The following KCNN2 variants were observed in gnomAD, a reference collection of about 807,000 sequenced individuals.
KCNN2 encodes potassium calcium-activated channel subfamily N member 2, also known as small conductance calcium-activated potassium channel protein 2.
KCNN2 carries 24 observed loss-of-function variants against 55.5 expected under a neutral mutation model. The ratio of observed to expected loss-of-function variants is 0.43; its 90% CI spans 0.31 to 0.61. The LOEUF is 0.61. KCNN2 is among the 20% of genes least tolerant of loss of function. KCNN2 has a pLI of 0.08. For missense variants in KCNN2, 754 were observed against 853.6 expected, an observed-to-expected ratio of 0.88 and a Z score of 1.45; for synonymous variants, 431 against 336.1, an observed-to-expected ratio of 1.28 and a Z score of -3.09.
chr5:114,158,644 G>T (rs1752693869), intron 1 of KCNN2, among the ~76,000 whole-genome samples: 1 of 151,682 alleles, frequency 6.6e-6, no homozygotes, highest in South Asian at 2.1e-4. Context: ...AGCATGGAAT[G>T]TTCTTCCATT....
chr5:114,155,027 C>T (rs1387600604), intron 1 of KCNN2, among the ~76,000 whole-genome samples: 1 of 151,984 alleles, frequency 6.6e-6, no homozygotes, highest in Non-Finnish European at 1.5e-5. Flanking sequence ...TCCTGATCTG[C>T]TCCCTCCTCA....
At chr5:114,389,746 G>A (rs1758402853) in intron 2 of KCNN2, among the ~76,000 whole-genome samples, 1 of 152,158 alleles carries the variant, frequency 6.6e-6, no homozygotes, top group African/African-American at 2.4e-5. Context: ...ATGGGGCATT[G>A]AATGTAATGT....
chr5:114,465,243 A>G (rs752887338), intron 4 of KCNN2, among the ~76,000 whole-genome samples: 11 of 152,158 alleles, frequency 7.2e-5, no homozygotes, highest in Non-Finnish European at 1.3e-4. Context: ...GTCTCATCAG[A>G]TAGTACAAAT....
intron 2 of KCNN2, among the ~76,000 whole-genome samples, chr5:114,395,193 T>C (rs949976733): frequency 5.3e-5 from 8 of 152,212 alleles, no homozygotes; most frequent in Non-Finnish European, 1.0e-4. Context: ...GTTACCTCTT[T>C]GTGGGCAGGC....
chr5:114,110,702 G>A (rs563863816), intron 1 of KCNN2, among the ~76,000 whole-genome samples: 3 of 151,954 alleles, frequency 2.0e-5, no homozygotes, highest in Non-Finnish European at 4.4e-5. Flanking sequence ...AAAATGCCTC[G>A]TGCCTTAGTT....
chr5:114,346,292 C>A lies in KCNN2; in HGVS notation c.-184-14653C>A, dbSNP rs563066175. On this transcript the variant is annotated intron_variant, in intron 2 of 10. Transcript: ENST00000512097. ...CATGACGCAAACACCTCCCACCAGG[C>A]CCCACCTCCAACATCTCAGCATAAG... 5.9e-5 allele frequency among the ~76,000 whole-genome samples: 9 copies of A among 152,302 alleles called. No individual in the cohort carries two copies. In the South Asian group the frequency reaches 6.2e-4, roughly 11 times the overall value.
chr5:114,238,861 TGAA>T (rs1372893124), intron 2 of KCNN2, among the ~76,000 whole-genome samples: 2 of 152,238 alleles, frequency 1.3e-5, no homozygotes, highest in Non-Finnish European at 2.9e-5. Flanking sequence ...TGTGCTGAGA[TGAA>T]GGAGAACAGG....
chr5:114,306,732 G>A lies in KCNN2; in HGVS notation c.-184-54213G>A, dbSNP rs560342946. Among the ~76,000 whole-genome samples, 8 of 129,120 alleles carry A rather than the reference G, an allele frequency of 6.2e-5. No homozygotes were observed. In the East Asian group the frequency reaches 6.5e-4, roughly 10 times the overall value. 84.7% of individuals were successfully genotyped at this position (129,120 alleles called of 152,430 possible). The stretch of plus-strand genomic sequence containing the variant: ...TTTTTTTTTTTTGAGACCAAGTCTC[G>A]CTCTGTCACCCAGGCTGGAGTGCAG... On this transcript the variant is annotated intron_variant, in intron 2 of 10. Transcript: ENST00000512097.
At chr5:114,412,601 A>G (rs1759171176) in intron 3 of KCNN2, among the ~76,000 whole-genome samples, 1 of 152,182 alleles carries the variant, frequency 6.6e-6, no homozygotes, top group Admixed American at 6.5e-5. Flanking sequence ...TTTACATAAG[A>G]TGAATGTGAA....
chr5:114,232,925 G>GTTTTTTTTGTTTTTTTTTTTTT (rs554932578), intron 2 of KCNN2, among the ~76,000 whole-genome samples: 2 of 76,282 alleles, frequency 2.6e-5, no homozygotes, highest in African/African-American at 9.1e-5. Flanking sequence ...ATTGTTTCTT[G>GTTTTTTTTGTTTTTTTTTTTTT]TTTTTTTTTT....
intron 1 of KCNN2, among the ~76,000 whole-genome samples, chr5:114,062,140 T>G (rs113509296): frequency 6.6e-6 from 1 of 152,100 alleles, no homozygotes; most frequent in Admixed American, 6.6e-5. Context: ...GAAAGTAAAC[T>G]TCACAGACTT....
intron 2 of KCNN2, among the ~76,000 whole-genome samples, chr5:114,397,715 A>G (rs1235719279): frequency 1.3e-5 from 2 of 152,230 alleles, no homozygotes; most frequent in East Asian, 3.9e-4. Context: ...ACTTTGTAAT[A>G]ATAGCCATTC....
chr5:114,465,519 G>A lies in KCNN2; in HGVS notation c.1779+2329G>A, dbSNP rs181728430. Among the ~76,000 whole-genome samples the A allele has an allele frequency of 6.3e-3, 952 of 152,160 alleles. 10 individuals carry two copies. The highest frequency in any genetic ancestry group is 0.022 in the African/African-American group (918 of 41,500). On this transcript the variant is annotated intron_variant, in intron 4 of 7. Coordinates refer to ENST00000673685, the MANE Select transcript of KCNN2 (RefSeq NM_021614.4). ...CCCAGCTATTCAGGAGGCTGAGGCAGGAGAATCTCTTGAACGTGGGAGGCG... is the reference window on the plus strand; with the variant it reads ...CCCAGCTATTCAGGAGGCTGAGGCAAGAGAATCTCTTGAACGTGGGAGGCG...
At chr5:114,470,807 C>G (rs1363126054) in intron 4 of KCNN2, among the ~76,000 whole-genome samples, 5 of 152,100 alleles carry the variant, frequency 3.3e-5, no homozygotes, top group Admixed American at 2.6e-4. Flanking sequence ...ACTGCATATC[C>G]TCCTTTATCT....
intron 1 of KCNN2, among the ~76,000 whole-genome samples, chr5:114,186,588 G>A (rs1753339456): frequency 6.6e-6 from 1 of 152,180 alleles, no homozygotes; most frequent in Admixed American, 6.5e-5. Context: ...GTGCCTATGT[G>A]CTGAAGTTAG....
chr5:114,203,923 C>T (rs1442476029), intron 1 of KCNN2, among the ~76,000 whole-genome samples: 1 of 152,152 alleles, frequency 6.6e-6, no homozygotes, highest in East Asian at 1.9e-4. Context: ...AAATAGGACA[C>T]ACAGTTACAA....
At chr5:114,144,092 A>T (rs1404423236) in intron 1 of KCNN2, among the ~76,000 whole-genome samples, 1 of 152,176 alleles carries the variant, frequency 6.6e-6, no homozygotes, top group African/African-American at 2.4e-5. Flanking sequence ...AGGCCTCAAA[A>T]ATCTGTTCTT....
At chr5:114,315,447 GTGTGTGTGTGTGTGTGTGTA>G (rs1221410322) in intron 2 of KCNN2, among the ~76,000 whole-genome samples, 10 of 108,704 alleles carry the variant, frequency 9.2e-5, no homozygotes, top group Non-Finnish European at 1.7e-4. Context: ...GTGTGTGTGT[GTGTGTGTGTGTGTGTGTGTA>G]TATATATATA....
intron 1 of KCNN2, among the ~76,000 whole-genome samples, chr5:114,194,612 A>G (rs1274612349): frequency 6.6e-6 from 1 of 152,064 alleles, no homozygotes; most frequent in East Asian, 1.9e-4. Context: ...CTTTAGCACA[A>G]ATATTCTTTG....
Sources: gnomAD v4.1 joint callset for allele counts (sites outside exome capture counted in the v4.1 genomes callset) on GRCh38, gnomAD v4.1.1 for gene constraint, MANE v1.5 for transcripts, NCBI Gene and HGNC (gene_info 2026-07-23, HGNC 2026-07-21) for gene names.